RGS6: variants seen among roughly 807,000 people sequenced by gnomAD.
The protein encoded by RGS6 is regulator of G protein signaling 6.
RGS6 carries 30 observed loss-of-function variants against 78.5 expected under a neutral mutation model. The ratio of observed to expected loss-of-function variants is 0.38; its 90% CI spans 0.29 to 0.52. The LOEUF (loss-of-function observed/expected upper bound fraction) is 0.52. Among genes scored for constraint, RGS6 ranks in the 20% least tolerant of loss-of-function variants. The pLI is 0.85. For synonymous variants in RGS6, 206 were observed against 206.0 expected (o/e 1.00, Z 0.00); for missense variants, 495 against 609.7 (o/e 0.81, Z 1.98).
chr14:72,469,588 C>T (rs1442777521), intron 7 of RGS6: 1 of 155,372 alleles, frequency 6.4e-6, no homozygotes, highest in South Asian at 2.0e-4. Context: ...CTTCCCAGCT[C>T]CCCACTGGAA....
At position 72,562,984 on chromosome 14, in the gene RGS6, C is replaced by T; in HGVS notation, c.*517C>T. On this transcript the variant is annotated 3_prime_UTR_variant, in exon 18 of 18. Coordinates refer to ENST00000553525, the MANE Select transcript of RGS6 (RefSeq NM_001204424.2). ...CCTGTCATCCCTCACGTCTCTGTGG[C>T]CACCCGGGTGTCACTGCCAGCACCA... 1.7e-6 allele frequency: 1 copy of T among 589,132 alleles called. No homozygotes were observed. The highest frequency in any genetic ancestry group is 2.8e-5 in the East Asian group (1 of 35,292). 36.5% of individuals were successfully genotyped at this position (589,132 alleles called of 1,614,324 possible).
intron 2 of RGS6, among the ~76,000 whole-genome samples, chr14:72,182,173 G>T (rs1446271794): frequency 1.3e-5 from 2 of 152,128 alleles, no homozygotes; most frequent in Non-Finnish European, 2.9e-5. Context: ...ACTTTGGGAG[G>T]CCGAGGTGGG....
rs573262705 is a variant in RGS6, at chr14:72,094,871, C to T, written c.84+129996C>T. 6.6e-5 allele frequency among the ~76,000 whole-genome samples: 10 copies of T among 152,206 alleles called. No individual in the cohort carries two copies. The East Asian group carries it at 1.9e-3, about 29-fold the overall frequency. ...AACAGTTGTTTCTGCCAGTATATTC[C>T]AAAGGCAAGACTATTCTTGCAATTA... On this transcript the variant is annotated intron_variant, in intron 2 of 17. Transcript: ENST00000553525.
chr14:72,575,465 G>A, the RGS6 span, among the ~76,000 whole-genome samples: 2 of 152,136 alleles, frequency 1.3e-5, no homozygotes, highest in Admixed American at 6.5e-5. Flanking sequence ...GACAACCAAC[G>A]TTCCTTCAGA....
chr14:72,579,038 C>T, the RGS6 span, among the ~76,000 whole-genome samples: 1 of 152,194 alleles, frequency 6.6e-6, no homozygotes, highest in African/African-American at 2.4e-5. Context: ...TCAGCCTATG[C>T]TCCTGTCTCA....
At chr14:72,166,077 C>A (rs889968242) in intron 2 of RGS6, among the ~76,000 whole-genome samples, 6 of 148,650 alleles carry the variant, frequency 4.0e-5, no homozygotes, top group Middle Eastern at 3.2e-3. Context: ...ACCATCCCTT[C>A]TAGTCCCATT....
In RGS6 at chr14:72,536,168, T is replaced by G; in HGVS notation, c.1279-18T>G. On this transcript the variant is annotated intron_variant, in intron 15 of 17. Coordinates refer to ENST00000553525, the MANE Select transcript of RGS6 (RefSeq NM_001204424.2). ...TTGACAGCCCTTCCTTGTGTCTCCT[T>G]GTCACCTTCCTCCCCAGGAGCACAT... is the stretch of plus-strand genomic sequence containing the variant. 6.3e-7 allele frequency: 1 copy of G among 1,598,000 alleles called. No homozygotes were observed. Among genetic ancestry groups the G allele is most frequent in the South Asian group, 1.1e-5 (1 of 90,732 alleles).
intron 2 of RGS6, among the ~76,000 whole-genome samples, chr14:72,250,799 G>T (rs1338644419): frequency 6.6e-6 from 1 of 152,202 alleles, no homozygotes; most frequent in African/African-American, 2.4e-5. Context: ...GTCTTTAAGT[G>T]TGTGGATTCA....
rs564045839 is a variant in RGS6, at chr14:71,963,856, G to C, written c.-20-916G>C. Among the ~76,000 whole-genome samples the C allele has an allele frequency of 2.6e-5, 4 of 152,238 alleles. No individual in the cohort carries two copies. In the East Asian group the frequency reaches 7.7e-4, roughly 29 times the overall value. ...TACAAGTATTTGATATTTGTTTTCA[G>C]TTAGTTTGTGTATGTACTTAGAAGT... On this transcript the variant is annotated intron_variant, in intron 1 of 17. Transcript: ENST00000553525.
chr14:72,100,410 G>A (rs777199104), intron 2 of RGS6, among the ~76,000 whole-genome samples: 2 of 152,012 alleles, frequency 1.3e-5, no homozygotes, highest in Non-Finnish European at 2.9e-5. Flanking sequence ...CAGGAGAATC[G>A]CTTGAACCTG....
Position 71,948,495 on chromosome 14 carries a change from C to T in RGS6, c.-21+15554C>T, listed in dbSNP as rs139655030. 3.6e-3 allele frequency among the ~76,000 whole-genome samples: 544 copies of T among 152,318 alleles called. 3 individuals carry two copies. The highest frequency in any genetic ancestry group is 6.8e-3 in the Middle Eastern group (2 of 294). On this transcript the variant is annotated intron_variant, in intron 1 of 17. Coordinates refer to ENST00000553525, the MANE Select transcript of RGS6 (RefSeq NM_001204424.2). ...ATGCTGCATCCTTCCTCCAGATCTGCATTTATTTGCACTATTCTTTTTCAA... is the reference window on the plus strand; with the variant it reads ...ATGCTGCATCCTTCCTCCAGATCTGTATTTATTTGCACTATTCTTTTTCAA...
intron 15 of RGS6, among the ~76,000 whole-genome samples, chr14:72,534,761 C>T (rs2097225136): frequency 6.6e-6 from 1 of 152,156 alleles, no homozygotes; most frequent in Non-Finnish European, 1.5e-5. Context: ...AGGTCTGTGC[C>T]TCCTCCTTCG....
chr14:72,136,570 G>A (rs2096446141), intron 2 of RGS6, among the ~76,000 whole-genome samples: 1 of 152,030 alleles, frequency 6.6e-6, no homozygotes, highest in African/African-American at 2.4e-5. Flanking sequence ...AAGATTTCAC[G>A]AGACTTACTC....
At chr14:72,045,532 C>T (rs549865534) in intron 2 of RGS6, among the ~76,000 whole-genome samples, 11 of 152,242 alleles carry the variant, frequency 7.2e-5, no homozygotes, top group African/African-American at 2.6e-4. Flanking sequence ...TTGCATCTTG[C>T]AGCTCTTTTA....
At chr14:72,283,427 C>T (rs2061925074) in intron 2 of RGS6, among the ~76,000 whole-genome samples, 1 of 152,116 alleles carries the variant, frequency 6.6e-6, no homozygotes, top group Non-Finnish European at 1.5e-5. Context: ...GTGGGAGGGA[C>T]CCAGTGGGAG....
intron 2 of RGS6, among the ~76,000 whole-genome samples, chr14:72,008,135 A>C (rs143516813): frequency 2.5e-4 from 38 of 152,322 alleles, no homozygotes; most frequent in South Asian, 1.2e-3. Flanking sequence ...CCTGGATTTC[A>C]GAACTACTAT....
the RGS6 span, chr14:72,594,266 C>T: frequency 1.2e-4 from 19 of 152,446 alleles, no homozygotes; most frequent in African/African-American, 4.6e-4. Flanking sequence ...CTTCCACTGC[C>T]TCCTCCACCA....
intron 12 of RGS6, among the ~76,000 whole-genome samples, chr14:72,488,865 G>T (rs1414848693): frequency 2.6e-5 from 4 of 152,208 alleles, no homozygotes; most frequent in Non-Finnish European, 5.9e-5. Flanking sequence ...TCGAGGATCT[G>T]CTAGAACACA....
chr14:72,264,220 A>G (rs2058661786), intron 2 of RGS6, among the ~76,000 whole-genome samples: 1 of 152,260 alleles, frequency 6.6e-6, no homozygotes, highest in African/African-American at 2.4e-5. Flanking sequence ...TCTTGTATGC[A>G]TTAAGTGCTA....
Sources: gnomAD v4.1 joint callset for allele counts (sites outside exome capture counted in the v4.1 genomes callset) on GRCh38, gnomAD v4.1.1 for gene constraint, MANE v1.5 for transcripts, NCBI Gene and HGNC (gene_info 2026-07-23, HGNC 2026-07-21) for gene names.